The following TLL1 variants were observed in gnomAD, a reference collection of about 807,000 sequenced individuals.
The protein encoded by TLL1 is tolloid-like protein 1.
In TLL1, 49 loss-of-function variants were observed where a neutral mutation model predicts 128.2. The observed-to-expected ratio is 0.38, with a 90% CI of 0.30 to 0.48. TLL1 has a LOEUF of 0.48. Ranked by LOEUF, TLL1 falls within the 20% of genes least tolerant of loss-of-function variation. The pLI, the probability that TLL1 is intolerant of heterozygous loss-of-function variation, is 0.96. For missense variants in TLL1, 1,123 were observed against 1,242.0 expected, an observed-to-expected ratio of 0.90 and a Z score of 1.44; for synonymous variants, 454 against 418.8, an observed-to-expected ratio of 1.08 and a Z score of -1.03.
chr4:165,887,102 G>T (rs1034441744), intron 1 of TLL1, among the ~76,000 whole-genome samples: 4 of 152,200 alleles, frequency 2.6e-5, no homozygotes, highest in African/African-American at 7.2e-5. Flanking sequence ...ATAGTGTAAA[G>T]GGATCTTTAG....
At chr4:166,043,155 T>A in intron 11 of TLL1, 119 bp from the exon 12 acceptor site, 1 of 1,369,146 alleles carries the variant, frequency 7.3e-7, no homozygotes, top group African/African-American at 1.4e-5. Flanking sequence ...TTGATTTTTA[T>A]AGCCTGGTCT....
At chr4:165,992,701 A>G (rs763727060) in intron 2 of TLL1, 103 bp from the exon 3 acceptor site, 31 of 1,091,580 alleles carry the variant, frequency 2.8e-5, no homozygotes, top group Non-Finnish European at 3.9e-5. Context: ...TTAAGACCAC[A>G]TAAAAAATGA....
intron 12 of TLL1, among the ~76,000 whole-genome samples, chr4:166,051,775 T>C (rs1739749098): frequency 6.6e-6 from 1 of 152,210 alleles, no homozygotes; most frequent in South Asian, 2.1e-4. Context: ...CATAAATTCA[T>C]GTAGATGAGG....
At chr4:166,071,824 A>G (rs1244526893) in intron 16 of TLL1, among the ~76,000 whole-genome samples, 2 of 152,026 alleles carry the variant, frequency 1.3e-5, no homozygotes, top group East Asian at 1.9e-4. Context: ...TCTCATCAAC[A>G]TAAGAAATCC....
chr4:166,019,291 T>C (rs2111059162), intron 8 of TLL1, among the ~76,000 whole-genome samples: 1 of 152,194 alleles, frequency 6.6e-6, no homozygotes, highest in Non-Finnish European at 1.5e-5. Flanking sequence ...CAATAGACAC[T>C]GTGGACTACT....
chr4:166,079,862 T>C (rs1435913813), intron 18 of TLL1, among the ~76,000 whole-genome samples: 3 of 152,212 alleles, frequency 2.0e-5, no homozygotes, highest in Non-Finnish European at 4.4e-5. Context: ...AGTTTAAGTT[T>C]CAGTAATTTC....
At chr4:165,891,380 C>T (rs1731395629) in intron 1 of TLL1, among the ~76,000 whole-genome samples, 2 of 152,160 alleles carry the variant, frequency 1.3e-5, no homozygotes, top group Admixed American at 6.5e-5. Context: ...ATTCTCCAAA[C>T]TTTTATGCTC....
chr4:165,950,713 A>G (rs1734470832), intron 1 of TLL1, among the ~76,000 whole-genome samples: 3 of 152,114 alleles, frequency 2.0e-5, no homozygotes, highest in East Asian at 3.9e-4. Flanking sequence ...AAATATTTTG[A>G]ACTGAAAGAA....
At chr4:166,092,275 C>T (rs1422437249) in intron 19 of TLL1, among the ~76,000 whole-genome samples, 4 of 151,932 alleles carry the variant, frequency 2.6e-5, no homozygotes, top group Non-Finnish European at 5.9e-5. Context: ...TTTAACTATT[C>T]CATTATCCAA....
At chr4:165,994,055 G>T (rs2111017714) in intron 3 of TLL1, among the ~76,000 whole-genome samples, 1 of 152,224 alleles carries the variant, frequency 6.6e-6, no homozygotes, top group Middle Eastern at 3.4e-3. Context: ...AATTGATAGT[G>T]ACTAGCAAGA....
chr4:166,011,727 A>G (rs1737703969), intron 7 of TLL1, among the ~76,000 whole-genome samples: 7 of 151,484 alleles, frequency 4.6e-5, no homozygotes, highest in Admixed American at 6.6e-5. Flanking sequence ...TTAAAAGAAA[A>G]TATTTCAGGT....
chr4:165,890,146 T>C (rs1232852301), intron 1 of TLL1, among the ~76,000 whole-genome samples: 1 of 152,072 alleles, frequency 6.6e-6, no homozygotes, highest in African/African-American at 2.4e-5. Context: ...CTCACTATCA[T>C]GAGAACAGCA....
chr4:165,931,209 G>T (rs987870971), intron 1 of TLL1, among the ~76,000 whole-genome samples: 1 of 152,060 alleles, frequency 6.6e-6, no homozygotes, highest in Admixed American at 6.6e-5. Context: ...CAAGGCATTC[G>T]ACTATATTCC....
At chr4:166,007,862 ATGCAGGTGTAGGAAAGGCC>A in intron 6 of TLL1, 62 bp from the exon 7 acceptor site, 2 of 851,814 alleles carry the variant, frequency 2.3e-6, no homozygotes, top group Non-Finnish European at 4.1e-6. Flanking sequence ...CAAAGAACAG[ATGCAGGTGTAGGAAAGGCC>A]TTCTGGTCTA....
intron 1 of TLL1, among the ~76,000 whole-genome samples, chr4:165,972,710 C>T (rs376916713): frequency 6.6e-6 from 1 of 152,184 alleles, no homozygotes; most frequent in Non-Finnish European, 1.5e-5. Flanking sequence ...ATTACCTCTA[C>T]CTGGCTTATA....
chr4:165,956,698 G>A (rs7690094), intron 1 of TLL1, among the ~76,000 whole-genome samples: 8,897 of 152,036 alleles, frequency 0.059, 647 homozygotes, highest in African/African-American at 0.17. Context: ...TATCACAGTG[G>A]TCCTGAGGTG....
intron 1 of TLL1, among the ~76,000 whole-genome samples, chr4:165,886,794 C>T (rs1010137696): frequency 6.6e-6 from 1 of 151,976 alleles, no homozygotes; most frequent in Non-Finnish European, 1.5e-5. Flanking sequence ...TATTTTCCAT[C>T]TGTAGTTGGT....
Position 166,099,435 on chromosome 4 carries a change from G to A in TLL1, c.2815G>A (p.Glu939Lys). ...ATTATCCTTCCAGACATTTGAAGTG[G>A]AGGAAGAAGCAGACTGTGGCTATGA... is the stretch of plus-strand genomic sequence containing the variant. ...LELSFQTFEV[E>K]EEADCGYDYV... The change falls in exon 20 of 21, where the codon GAG becomes AAG. Residue 939 changes from glutamate (E) to lysine (K), a missense_variant. Physicochemically the swap from Glu to Lys is moderately conservative, Grantham distance 56 (BLOSUM62 1). Around this residue, in one of 3 missense-constraint regions of TLL1, gnomAD observed 634 missense variants for 672.4 expected, o/e 0.94. Transcript: ENST00000061240. 1 of 1,613,548 alleles carries A rather than the reference G, an allele frequency of 6.2e-7. No homozygotes were observed. The highest frequency in any genetic ancestry group is 8.5e-7 in the Non-Finnish European group (1 of 1,179,670).
chr4:166,004,330 G>A (rs1006257840), intron 6 of TLL1, among the ~76,000 whole-genome samples: 3 of 152,024 alleles, frequency 2.0e-5, no homozygotes, highest in Non-Finnish European at 4.4e-5. Context: ...TTCATGATCA[G>A]TTTTGTTACA....
Sources: gnomAD v4.1 joint callset for allele counts (sites outside exome capture counted in the v4.1 genomes callset) on GRCh38, gnomAD v4.1.1 for gene constraint, gnomAD v4.1.1 regional missense constraint, MANE v1.5 for transcripts, NCBI Gene and HGNC (gene_info 2026-07-23, HGNC 2026-07-21) for gene names.